B3GALT1: variants seen among roughly 807,000 people sequenced by gnomAD.
B3GALT1 encodes the protein UDP-Gal:betaGlcNAc beta 1,3-galactosyltransferase, polypeptide 1.
Under a neutral mutation model 23.2 loss-of-function variants are expected in B3GALT1, and 10 were observed. The ratio of observed to expected loss-of-function variants is 0.43; its 90% CI spans 0.27 to 0.73. The LOEUF is 0.73. Among genes scored for constraint, B3GALT1 ranks in the 30% least tolerant of loss-of-function variants. B3GALT1 has a pLI of 0.21. For synonymous variants in B3GALT1, 156 were observed against 141.5 expected (o/e 1.10, Z -0.73); for missense variants, 299 against 405.4 (o/e 0.74, Z 2.25).
intron 3 of B3GALT1, among the ~76,000 whole-genome samples, chr2:167,798,499 A>C (rs1172524876): frequency 6.6e-6 from 1 of 152,218 alleles, no homozygotes; most frequent in Non-Finnish European, 1.5e-5. Context: ...TATTTTCTGC[A>C]CATGGCTAGC....
At chr2:167,807,939 G>A (rs531707797) in intron 3 of B3GALT1, among the ~76,000 whole-genome samples, 2 of 152,228 alleles carry the variant, frequency 1.3e-5, no homozygotes, top group South Asian at 2.1e-4. Context: ...GGGAGTCTAA[G>A]TCTCTTTGTA....
At position 167,845,262 on chromosome 2, in the gene B3GALT1, G is replaced by T. The variant is rs551455740; in HGVS notation, c.-229-23549G>T. 1.2e-4 allele frequency among the ~76,000 whole-genome samples: 18 copies of T among 152,216 alleles called. No homozygotes were observed. The East Asian group carries it at 3.5e-3, about 29-fold the overall frequency. On this transcript the variant is annotated intron_variant, in intron 4 of 4. Transcript: ENST00000392690. ...CCACAGCTGGTGCTCTCTGGAAAGC[G>T]CCACCTCCTGGCAGAAGTCCAAGCA...
chr2:167,327,158 A>G (rs1696909109), intron 1 of B3GALT1, among the ~76,000 whole-genome samples: 1 of 151,998 alleles, frequency 6.6e-6, no homozygotes. Context: ...TGTTTACTAT[A>G]CCTTGTAATA....
At chr2:167,803,254 T>A (rs1688676078) in intron 3 of B3GALT1, among the ~76,000 whole-genome samples, 1 of 152,214 alleles carries the variant, frequency 6.6e-6, no homozygotes, top group African/African-American at 2.4e-5. Flanking sequence ...AAATGGGTCA[T>A]CATTTAATTT....
chr2:167,533,834 G>A (rs1574123420), intron 2 of B3GALT1, among the ~76,000 whole-genome samples: 1 of 152,280 alleles, frequency 6.6e-6, no homozygotes, highest in South Asian at 2.1e-4. Flanking sequence ...CTGGTAGTGA[G>A]TTATTTTAGT....
chr2:167,417,297 C>T (rs1369477038), intron 1 of B3GALT1, among the ~76,000 whole-genome samples: 2 of 152,006 alleles, frequency 1.3e-5, no homozygotes, highest in Non-Finnish European at 2.9e-5. Context: ...GGTGGCTTTA[C>T]AAGAAGAAAA....
intron 1 of B3GALT1, among the ~76,000 whole-genome samples, chr2:167,312,361 G>A (rs534533667): frequency 1.4e-4 from 22 of 152,030 alleles, no homozygotes; most frequent in African/African-American, 5.3e-4. Context: ...AGTTAAATTG[G>A]TTCTTTGGCC....
intron 3 of B3GALT1, among the ~76,000 whole-genome samples, chr2:167,673,734 G>GA (rs1686374847): frequency 6.6e-6 from 1 of 151,908 alleles, no homozygotes; most frequent in East Asian, 1.9e-4. Context: ...AATCATAACA[G>GA]TTAAAAAATT....
chr2:167,552,465 TTATAC>T (rs1683765635), intron 2 of B3GALT1, among the ~76,000 whole-genome samples: 1 of 152,230 alleles, frequency 6.6e-6, no homozygotes, highest in Non-Finnish European at 1.5e-5. Flanking sequence ...AACAACTTAG[TTATAC>T]TATAATAAAG....
intron 1 of B3GALT1, among the ~76,000 whole-genome samples, chr2:167,458,028 T>C (rs1300650543): frequency 6.6e-6 from 1 of 152,196 alleles, no homozygotes; most frequent in East Asian, 1.9e-4. Context: ...TTAAATACAT[T>C]TATAATGTTG....
At chr2:167,666,544 G>A (rs1047518542) in intron 3 of B3GALT1, among the ~76,000 whole-genome samples, 24 of 151,486 alleles carry the variant, frequency 1.6e-4, no homozygotes, top group African/African-American at 5.3e-4. Context: ...AATGTTGACA[G>A]TGGGGTGTTA....
At chr2:167,803,117 CACA>C (rs1688671877) in intron 3 of B3GALT1, among the ~76,000 whole-genome samples, 2 of 147,938 alleles carry the variant, frequency 1.4e-5, no homozygotes, top group African/African-American at 2.5e-5. Flanking sequence ...CACACACACA[CACA>C]CCCCTTGGTT....
rs181711760 is a variant in B3GALT1, at chr2:167,420,432, C to T, written c.-510-69745C>T. Reference sequence around the variant, plus strand: ...TAACCTGGGAGCTCCTAGTAAATCTCAGCAGTAGCTAGTTCAACATACAGT... The same window carrying T: ...TAACCTGGGAGCTCCTAGTAAATCTTAGCAGTAGCTAGTTCAACATACAGT... On this transcript the variant is annotated intron_variant, in intron 1 of 4. Coordinates refer to ENST00000392690, the MANE Select transcript of B3GALT1 (RefSeq NM_020981.4). 1.4e-4 allele frequency among the ~76,000 whole-genome samples: 22 copies of T among 152,260 alleles called. No individual in the cohort carries two copies. In the East Asian group the frequency reaches 3.7e-3, roughly 25 times the overall value.
At chr2:167,429,738 G>T (rs965722899) in intron 1 of B3GALT1, among the ~76,000 whole-genome samples, 2 of 152,178 alleles carry the variant, frequency 1.3e-5, no homozygotes, top group African/African-American at 2.4e-5. Context: ...TCCCCCAAGG[G>T]CCTCAGTTTC....
At chr2:167,453,539 A>G (rs1483057004) in intron 1 of B3GALT1, among the ~76,000 whole-genome samples, 1 of 152,074 alleles carries the variant, frequency 6.6e-6, no homozygotes. Context: ...GGTTGTTTAG[A>G]AGATATTTTG....
chr2:167,573,775 G>GA (rs1204780950), intron 2 of B3GALT1, among the ~76,000 whole-genome samples: 2 of 151,192 alleles, frequency 1.3e-5, no homozygotes, highest in Admixed American at 6.6e-5. Flanking sequence ...CAATAATCCA[G>GA]AAAAAAAAGT....
chr2:167,640,539 A>G (rs950881821), intron 2 of B3GALT1, among the ~76,000 whole-genome samples: 2 of 98,202 alleles, frequency 2.0e-5, no homozygotes, highest in African/African-American at 6.6e-5. Flanking sequence ...GTTTTACTGT[A>G]AGTTTGATTT....
At chr2:167,852,467 G>GGGGT (rs1553496259) in intron 4 of B3GALT1, among the ~76,000 whole-genome samples, 2 of 146,478 alleles carry the variant, frequency 1.4e-5, no homozygotes, top group Admixed American at 6.8e-5. Context: ...TATTCGTGAT[G>GGGGT]GTGTGTGTGT....
chr2:167,447,459 G>A (rs558181489), intron 1 of B3GALT1, among the ~76,000 whole-genome samples: 3 of 152,206 alleles, frequency 2.0e-5, no homozygotes, highest in Non-Finnish European at 4.4e-5. Flanking sequence ...TGTCTGCAGA[G>A]GTGGAGTCTA....
Sources: allele counts gnomAD v4.1 joint callset (sites outside exome capture counted in the v4.1 genomes callset), GRCh38; gene constraint gnomAD v4.1.1; transcripts MANE v1.5; gene names NCBI Gene and HGNC (gene_info 2026-07-23, HGNC 2026-07-21).